ATP6AP2: variants seen among roughly 807,000 people sequenced by gnomAD.
ATP6AP2 encodes the protein renin receptor.
Under a neutral mutation model 23.4 loss-of-function variants are expected in ATP6AP2, and 1 was observed. The ratio of observed to expected loss-of-function variants is 0.04; its 90% CI spans 0.02 to 0.20. The LOEUF (loss-of-function observed/expected upper bound fraction) is 0.20. Ranked by LOEUF, ATP6AP2 falls within the 10% of genes least tolerant of loss-of-function variation. The pLI is 1.00. For missense variants in ATP6AP2, 174 were observed against 271.3 expected, an observed-to-expected ratio of 0.64 and a Z score of 2.52; for synonymous variants, 90 against 97.1, an observed-to-expected ratio of 0.93 and a Z score of 0.43.
At chrX:40,598,869 T>C in intron 6 of ATP6AP2, 135 bp downstream of exon 6, 1 of 605,103 alleles carries the variant, frequency 1.7e-6, no homozygotes, top group Non-Finnish European at 2.7e-6. Context: ...GAAAAATTAG[T>C]GGCAATATTG....
At chrX:40,596,254 C>T (rs192539909) in intron 3 of ATP6AP2, among the ~76,000 whole-genome samples, 407 of 111,098 alleles carry the variant, frequency 3.7e-3, no homozygotes, top group Non-Finnish European at 6.6e-3. Context: ...ATCATATTAG[C>T]GTTACTTTGC....
At chrX:40,583,250 A>G (rs1036838922) in intron 1 of ATP6AP2, among the ~76,000 whole-genome samples, 6 of 111,336 alleles carry the variant, frequency 5.4e-5, no homozygotes, top group Admixed American at 1.9e-4. Flanking sequence ...CCATTTTTTT[A>G]TTATTATTGA....
At position 40,589,070 on chromosome X, in the gene ATP6AP2, G is replaced by A. The variant is rs147857235; in HGVS notation, c.122G>A (p.Arg41Gln). Residue 41 changes from arginine to glutamine, a missense_variant, in exon 2 of 9, where the codon CGG (arginine) becomes CAG (glutamine). Transcript: ENST00000636580. ...RNGNWPIPGE[R>Q]IPDVAALSMG... ...GGAAATTGGCCTATACCAGGAGAGC[G>A]GATCCCAGACGTGGCTGCATTGTCC... 22 of 1,207,994 alleles carry A rather than the reference G, an allele frequency of 1.8e-5. No individual in the cohort carries two copies. The highest frequency in any genetic ancestry group is 5.9e-5 in the East Asian group (2 of 33,799).
intron 1 of ATP6AP2, among the ~76,000 whole-genome samples, chrX:40,583,153 A>C (rs779427140): frequency 1.8e-5 from 2 of 112,477 alleles, no homozygotes; most frequent in South Asian, 7.2e-4. Context: ...GTATTTGATA[A>C]AATTCAGATA....
At chrX:40,594,781 A>G (rs1264182451) in intron 3 of ATP6AP2, among the ~76,000 whole-genome samples, 3 of 112,768 alleles carry the variant, frequency 2.7e-5, no homozygotes, top group African/African-American at 9.7e-5. Flanking sequence ...TGAGGAGGAA[A>G]TCACTGTGGA....
chrX:40,599,564 C>T, intron 6 of ATP6AP2, 28 bp from the exon 7 acceptor site: 3 of 1,208,470 alleles, frequency 2.5e-6, no homozygotes, highest in South Asian at 3.5e-5. Context: ...TTATCCGCTA[C>T]CTTTTTTTGT....
intron 1 of ATP6AP2, among the ~76,000 whole-genome samples, chrX:40,588,351 A>T (rs1378264250): frequency 3.0e-5 from 1 of 33,837 alleles, no homozygotes; most frequent in Non-Finnish European, 5.1e-5. Flanking sequence ...CCCCCCCCCA[A>T]CATTTGACAG....
rs1417979592 is a variant in ATP6AP2, at chrX:40,606,215, CAA to C, written c.*461_*462del. ...TAATTTGATGTAAATAACTCTGAAA[CAA>C]GAGAAAAGGTTTTTAACTTAGAGTA... is the stretch of plus-strand genomic sequence containing the variant. On this transcript the variant is annotated 3_prime_UTR_variant, in exon 9 of 9. Coordinates refer to ENST00000636580, the MANE Select transcript of ATP6AP2 (RefSeq NM_005765.3). 2 of 121,082 alleles carry C rather than the reference CAA, an allele frequency of 1.7e-5. No homozygotes were observed. Among genetic ancestry groups the C allele is most frequent in the African/African-American group, 6.5e-5 (2 of 30,926 alleles). The allele number at this position is 121,082 out of a possible 1,213,427, so 10.0% of individuals were successfully genotyped here.
Position 40,600,019 on chromosome X carries a change from A to AT in ATP6AP2, c.738+278_738+279insT, listed in dbSNP as rs1926866338. Reference sequence around the variant, plus strand: ...TATATAACATAAAATTACCACTTTAACCATTTTTAATTGTACAGTTCAGTG... The same window carrying AT: ...TATATAACATAAAATTACCACTTTAATCCATTTTTAATTGTACAGTTCAGTG... On this transcript the variant is annotated intron_variant, in intron 7 of 8. Transcript: ENST00000636580. The AT allele has an allele frequency of 3.6e-5, 11 of 309,721 alleles. No homozygotes were observed. In the South Asian group the frequency reaches 4.1e-4, roughly 12 times the overall value. The allele number at this position is 309,721 out of a possible 1,213,427, so 25.5% of individuals were successfully genotyped here. A position where few individuals can be genotyped will look rare whatever the true frequency, so the allele number is the denominator to read the frequency against.
chrX:40,591,924 A>G (rs1926641547), intron 3 of ATP6AP2: 1 of 118,382 alleles, frequency 8.4e-6, no homozygotes, highest in Admixed American at 8.6e-5. Context: ...TGATATACAC[A>G]GGTGTTACAT....
rs1467241278 is a variant in ATP6AP2, at chrX:40,597,514, ATTC to A, written c.397-7_397-5del. On this transcript the variant is annotated splice_polypyrimidine_tract_variant and intron_variant, in intron 4 of 8. Coordinates refer to ENST00000636580, the MANE Select transcript of ATP6AP2 (RefSeq NM_005765.3). ...GAATTTGAGCAACTTAAAATTTTCTATTCTTCTTACAGAGAGTGTATATGGTAG... is the reference window on the plus strand; with the variant it reads ...GAATTTGAGCAACTTAAAATTTTCTATTCTTACAGAGAGTGTATATGGTAG... 4.1e-6 allele frequency: 5 copies of A among 1,209,291 alleles called. No individual in the cohort carries two copies. Among genetic ancestry groups the A allele is most frequent in the Non-Finnish European group, 5.6e-6 (5 of 893,229 alleles).
chrX:40,597,873 T>G (rs1292322003), intron 5 of ATP6AP2: 2 of 400,751 alleles, frequency 5.0e-6, no homozygotes, highest in East Asian at 8.9e-5. Flanking sequence ...TTTGGAAATT[T>G]TGCTATTTTA....
In ATP6AP2 at chrX:40,606,032, T is replaced by C. The variant is rs945088067; in HGVS notation, c.*277T>C. 5.0e-5 allele frequency: 15 copies of C among 301,837 alleles called. No homozygotes were observed. Among genetic ancestry groups the C allele is most frequent in the Non-Finnish European group, 8.1e-5 (14 of 173,445 alleles). The allele number at this position is 301,837 out of a possible 1,213,427, so 24.9% of individuals were successfully genotyped here. On this transcript the variant is annotated 3_prime_UTR_variant, in exon 9 of 9. Coordinates refer to ENST00000636580, the MANE Select transcript of ATP6AP2 (RefSeq NM_005765.3). The stretch of plus-strand genomic sequence containing the variant: ...ATTCTGTTTAATGAATTTGGAAATA[T>C]GCACTGAAAGAAATGTAAAACATTT...
In ATP6AP2 at chrX:40,597,936, A is replaced by G. The variant is rs1340421809; in HGVS notation, c.534+272A>G. 13 of 301,693 alleles carry G rather than the reference A, an allele frequency of 4.3e-5. No homozygotes were observed. In the South Asian group the frequency reaches 5.2e-4, roughly 12 times the overall value. The allele number at this position is 301,693 out of a possible 1,213,427, so 24.9% of individuals were successfully genotyped here. On this transcript the variant is annotated intron_variant, in intron 5 of 8. Coordinates refer to ENST00000636580, the MANE Select transcript of ATP6AP2 (RefSeq NM_005765.3). ...GCTGGGGTAGATTCTTCTTTAGTGT[A>G]ATTTTCTTATGACTCTCATGAATAA...
chrX:40,605,869 C>A lies in ATP6AP2; in HGVS notation c.*114C>A. The A allele has an allele frequency of 2.9e-6, 2 of 686,338 alleles. No individual in the cohort carries two copies. The highest frequency in any genetic ancestry group is 4.3e-6 in the Non-Finnish European group (2 of 463,252). The allele number at this position is 686,338 out of a possible 1,213,427, so 56.6% of individuals were successfully genotyped here. A position where few individuals can be genotyped will look rare whatever the true frequency, so the allele number is the denominator to read the frequency against. ...ATACTTTACATTTATAAAAAAAAATCAAATTTTGTTCTTTATTTTGTGTGT... is the reference window on the plus strand; with the variant it reads ...ATACTTTACATTTATAAAAAAAAATAAAATTTTGTTCTTTATTTTGTGTGT... On this transcript the variant is annotated 3_prime_UTR_variant, in exon 9 of 9. Transcript: ENST00000636580.
intron 3 of ATP6AP2, chrX:40,596,977 C>A: frequency 3.6e-6 from 1 of 277,986 alleles, no homozygotes; most frequent in Non-Finnish European, 6.3e-6. Flanking sequence ...GAATGACCAC[C>A]AGAAAATGGT....
intron 1 of ATP6AP2, among the ~76,000 whole-genome samples, chrX:40,588,254 CA>C (rs761894864): frequency 1.6e-4 from 18 of 110,116 alleles, no homozygotes; most frequent in South Asian, 7.8e-4. Context: ...ACCCTCTTGA[CA>C]TGTCAACTAC....
At chrX:40,591,444 A>G in intron 3 of ATP6AP2, 79 bp downstream of exon 3, 3 of 1,039,670 alleles carry the variant, frequency 2.9e-6, no homozygotes, top group Non-Finnish European at 4.0e-6. Flanking sequence ...TTGCATTCTA[A>G]ACATACTTCT....
intron 3 of ATP6AP2, among the ~76,000 whole-genome samples, chrX:40,592,707 T>G (rs752404960): frequency 2.1e-4 from 23 of 111,985 alleles, no homozygotes; most frequent in Non-Finnish European, 4.1e-4. Context: ...TTTAAATTTC[T>G]AAGTTCACTG....
Sources: allele counts gnomAD v4.1 joint callset (sites outside exome capture counted in the v4.1 genomes callset), GRCh38; gene constraint gnomAD v4.1.1; transcripts MANE v1.5; gene names NCBI Gene and HGNC (gene_info 2026-07-23, HGNC 2026-07-21).